NFIB: variants seen among roughly 807,000 people sequenced by gnomAD.
The protein encoded by NFIB is nuclear factor 1 B-type.
In NFIB, 11 loss-of-function variants were observed where a neutral mutation model predicts 61.5. The ratio of observed to expected loss-of-function variants is 0.18; its 90% CI spans 0.11 to 0.30. The LOEUF (loss-of-function observed/expected upper bound fraction) is 0.30. Ranked by LOEUF, NFIB falls within the 10% of genes least tolerant of loss-of-function variation. The probability of loss-of-function intolerance (pLI) is 1.00; values close to 1 mark genes in which losing one functional copy is unlikely to be tolerated. For missense variants in NFIB, 471 were observed against 608.9 expected (o/e 0.77, Z 2.38); for synonymous variants, 260 against 216.5 (o/e 1.20, Z -1.76).
At chr9:14,150,483 T>C (rs537206367) in intron 4 of NFIB, among the ~76,000 whole-genome samples, 1 of 152,222 alleles carries the variant, frequency 6.6e-6, no homozygotes, top group South Asian at 2.1e-4. Flanking sequence ...CAGATTATAA[T>C]CACTGGTTAC....
intron 2 of NFIB, among the ~76,000 whole-genome samples, chr9:14,278,654 T>C (rs2058167713): frequency 6.6e-6 from 1 of 152,146 alleles, no homozygotes; most frequent in Non-Finnish European, 1.5e-5. Context: ...CAGAACCCTG[T>C]TAGGGTCATT....
chr9:14,408,817 T>C, the NFIB span, among the ~76,000 whole-genome samples: 2 of 152,230 alleles, frequency 1.3e-5, no homozygotes, highest in Admixed American at 6.5e-5. Flanking sequence ...TCAGGCATTT[T>C]TTAAAAGTGC....
chr9:14,451,291 T>C, the NFIB span, among the ~76,000 whole-genome samples: 1 of 152,270 alleles, frequency 6.6e-6, no homozygotes, highest in Non-Finnish European at 1.5e-5. Context: ...GTTTATTCTT[T>C]ATTACATCTT....
intron 10 of NFIB, among the ~76,000 whole-genome samples, chr9:14,106,318 T>A (rs2036547919): frequency 6.6e-6 from 1 of 152,144 alleles, no homozygotes; most frequent in South Asian, 2.1e-4. Flanking sequence ...AATCCTTTAA[T>A]TTATATGCAC....
At chr9:14,455,493 G>A in the NFIB span, among the ~76,000 whole-genome samples, 1 of 152,150 alleles carries the variant, frequency 6.6e-6, no homozygotes, top group Non-Finnish European at 1.5e-5. Flanking sequence ...GGAGGGGTGA[G>A]AGGAGGACAT....
upstream of NFIB, among the ~76,000 whole-genome samples, chr9:14,403,953 A>T (rs900964311): frequency 6.6e-6 from 1 of 152,214 alleles, no homozygotes; most frequent in African/African-American, 2.4e-5. Context: ...GACCAAGAAC[A>T]TGAATCTCTT....
the NFIB span, among the ~76,000 whole-genome samples, chr9:14,519,707 T>C: frequency 1.3e-5 from 2 of 152,170 alleles, no homozygotes; most frequent in Admixed American, 6.5e-5. Context: ...TGAATAAAAC[T>C]CATCTAATCC....
At chr9:14,459,905 T>C in the NFIB span, among the ~76,000 whole-genome samples, 1 of 151,536 alleles carries the variant, frequency 6.6e-6, no homozygotes, top group East Asian at 2.0e-4. Flanking sequence ...TAGGAACACT[T>C]TTACACTGTT....
At chr9:14,513,497 G>T in the NFIB span, among the ~76,000 whole-genome samples, 15 of 151,772 alleles carry the variant, frequency 9.9e-5, no homozygotes, top group Non-Finnish European at 2.1e-4. Flanking sequence ...GTGTGGTAGC[G>T]CATGCCTGTA....
intron 1 of NFIB, among the ~76,000 whole-genome samples, chr9:14,341,376 A>C (rs186983503): frequency 6.6e-6 from 1 of 152,314 alleles, no homozygotes; most frequent in East Asian, 1.9e-4. Flanking sequence ...TAGTTTACAG[A>C]AAGGAGCCAC....
chr9:14,287,108 T>C (rs1002485101), intron 2 of NFIB, among the ~76,000 whole-genome samples: 2 of 152,078 alleles, frequency 1.3e-5, no homozygotes, highest in Non-Finnish European at 2.9e-5. Context: ...ATATGATTTG[T>C]AACCTTAAAA....
At chr9:14,302,043 C>G (rs968075875) in intron 2 of NFIB, among the ~76,000 whole-genome samples, 1 of 152,170 alleles carries the variant, frequency 6.6e-6, no homozygotes, top group African/African-American at 2.4e-5. Flanking sequence ...CACACAAACT[C>G]TTATGTTCCC....
chr9:14,463,657 T>TTC, the NFIB span, among the ~76,000 whole-genome samples: 1 of 16,332 alleles, frequency 6.1e-5, no homozygotes, highest in African/African-American at 2.6e-4. Context: ...TCATTTGATT[T>TTC]TCTTTTTTTT....
At chr9:14,488,899 G>C in the NFIB span, among the ~76,000 whole-genome samples, 1 of 152,162 alleles carries the variant, frequency 6.6e-6, no homozygotes, top group Non-Finnish European at 1.5e-5. Context: ...TCTGTTCTCT[G>C]TCTCCAGTGG....
chr9:14,301,766 G>T (rs1347983630), intron 2 of NFIB, among the ~76,000 whole-genome samples: 1 of 152,152 alleles, frequency 6.6e-6, no homozygotes, highest in South Asian at 2.1e-4. Context: ...CATAGAGGGT[G>T]AACTTCTGGT....
At chr9:14,342,681 G>A (rs1358833695) in intron 1 of NFIB, among the ~76,000 whole-genome samples, 1 of 152,030 alleles carries the variant, frequency 6.6e-6, no homozygotes, top group African/African-American at 2.4e-5. Flanking sequence ...GCTAATAAGT[G>A]GCCAATTATA....
intron 6 of NFIB, among the ~76,000 whole-genome samples, chr9:14,143,863 G>A (rs971949448): frequency 2.0e-5 from 3 of 152,064 alleles, no homozygotes; most frequent in Admixed American, 2.0e-4. Flanking sequence ...GGACTGCATT[G>A]GGCTTAGCAA....
chr9:14,484,620 C>G, the NFIB span, among the ~76,000 whole-genome samples: 1 of 152,226 alleles, frequency 6.6e-6, no homozygotes, highest in Non-Finnish European at 1.5e-5. Context: ...ATTACAGCTA[C>G]TACCATCCTG....
intron 1 of NFIB, among the ~76,000 whole-genome samples, chr9:14,393,556 C>T (rs1588417022): frequency 6.6e-6 from 1 of 152,308 alleles, no homozygotes; most frequent in East Asian, 1.9e-4. Flanking sequence ...TACCTGGTAA[C>T]CTTTTCCACA....
Sources: allele counts gnomAD v4.1 joint callset (sites outside exome capture counted in the v4.1 genomes callset), GRCh38; gene constraint gnomAD v4.1.1; transcripts MANE v1.5; gene names NCBI Gene and HGNC (gene_info 2026-07-23, HGNC 2026-07-21).